Variants in WEE2 observed in about 807,000 individuals in gnomAD.
The protein encoded by WEE2 is wee1-like protein kinase 2.
Under a neutral mutation model 60.1 loss-of-function variants are expected in WEE2, and 50 were observed. The observed-to-expected ratio is 0.83, with a 90% CI of 0.66 to 1.05. The LOEUF is 1.05. WEE2 is among the 50% of genes least tolerant of loss of function. WEE2 has a pLI of 0.00. For missense variants in WEE2, 631 were observed against 684.3 expected, an observed-to-expected ratio of 0.92 and a Z score of 0.87; for synonymous variants, 240 against 241.0, an observed-to-expected ratio of 1.00 and a Z score of 0.04.
chr7:141,729,754 C>T, intron 11 of WEE2, 81 bp downstream of exon 11: 13 of 1,482,346 alleles, frequency 8.8e-6, no homozygotes, highest in Non-Finnish European at 1.2e-5. Context: ...TTTGGGAGGC[C>T]AAGGCAGGTG....
Position 141,714,197 on chromosome 7 carries a change from ATCC to A in WEE2, c.343-9_343-7del, listed in dbSNP as rs1353360577. On this transcript the variant is annotated splice_polypyrimidine_tract_variant and intron_variant, in intron 1 of 11. Coordinates refer to ENST00000397541, the MANE Select transcript of WEE2 (RefSeq NM_001105558.1). ...ATGCTATTATGACTTGCCTTTTGTCATCCTCATTCAGACCATGCTGAGCCGGTT... is the reference window on the plus strand; with the variant it reads ...ATGCTATTATGACTTGCCTTTTGTCATCATTCAGACCATGCTGAGCCGGTT... 3.8e-6 allele frequency: 6 copies of A among 1,589,364 alleles called. No individual in the cohort carries two copies. The highest frequency in any genetic ancestry group is 5.1e-6 in the Non-Finnish European group (6 of 1,172,226).
Position 141,711,013 on chromosome 7 carries a change from CA to C in WEE2, c.342+1914del, listed in dbSNP as rs1798701946. ...GAACAAAGAAGAGCCTGGACTAGGA[CA>C]GTGAAAAATTCAGAGATGACTTGAT... On this transcript the variant is annotated intron_variant, in intron 1 of 11. Coordinates refer to ENST00000397541, the MANE Select transcript of WEE2 (RefSeq NM_001105558.1). The surrounding 1 kb of genome is among the most constrained non-coding windows in gnomAD (Gnocchi z 4.2). Among the ~76,000 whole-genome samples, 1 of 152,072 alleles carries C rather than the reference CA, an allele frequency of 6.6e-6. No homozygotes were observed. The highest frequency in any genetic ancestry group is 1.5e-5 in the Non-Finnish European group (1 of 68,016).
At chr7:141,726,105 G>C (rs144132841) in intron 9 of WEE2, among the ~76,000 whole-genome samples, 62 of 152,176 alleles carry the variant, frequency 4.1e-4, no homozygotes, top group African/African-American at 1.4e-3. Context: ...ACAAGAAAAG[G>C]AAGATACTAT....
Position 141,719,371 on chromosome 7 carries a change from A to G in WEE2, c.758+127A>G. The G allele has an allele frequency of 2.1e-5, 18 of 872,182 alleles. 1 individual carries two copies. In the South Asian group the frequency reaches 2.6e-4, roughly 13 times the overall value. The allele number at this position is 872,182 out of a possible 1,614,324, so 54.0% of individuals were successfully genotyped here. A position where few individuals can be genotyped will look rare whatever the true frequency, so the allele number is the denominator to read the frequency against. ...TTGTGTTTTAAAATCACCCCACATT[A>G]TATGTTATCTCATATTCATAACCTT... is the stretch of plus-strand genomic sequence containing the variant. On this transcript the variant is annotated intron_variant, in intron 4 of 11. Transcript: ENST00000397541.
At chr7:141,727,685 G>C in intron 10 of WEE2, 1 of 482,862 alleles carries the variant, frequency 2.1e-6, no homozygotes, top group Non-Finnish European at 3.6e-6. Flanking sequence ...AAGGAAGCAA[G>C]AGTGAGGAAT....
intron 4 of WEE2, among the ~76,000 whole-genome samples, chr7:141,719,525 A>AG (rs1244818028): frequency 6.6e-6 from 1 of 152,152 alleles, no homozygotes; most frequent in Non-Finnish European, 1.5e-5. Flanking sequence ...ATCTTGGCTC[A>AG]CTGCAATCTC....
chr7:141,718,963 A>C, intron 3 of WEE2, 109 bp from the exon 4 acceptor site: 1 of 1,044,158 alleles, frequency 9.6e-7, no homozygotes, highest in Non-Finnish European at 1.4e-6. Flanking sequence ...CAGTCACCTC[A>C]AAAGTCTTTT....
At chr7:141,713,851 G>A (rs1798747764) in intron 1 of WEE2, among the ~76,000 whole-genome samples, 1 of 152,186 alleles carries the variant, frequency 6.6e-6, no homozygotes, top group South Asian at 2.1e-4. Context: ...CATAAGCTCT[G>A]AGAATATAGT....
At chr7:141,725,516 T>C (rs1162786577) in intron 9 of WEE2, among the ~76,000 whole-genome samples, 1 of 151,686 alleles carries the variant, frequency 6.6e-6, no homozygotes, top group Non-Finnish European at 1.5e-5. Context: ...TCCCAGCTAC[T>C]TGGGTGGCTG....
intron 6 of WEE2, among the ~76,000 whole-genome samples, chr7:141,723,689 A>G (rs995380120): frequency 3.3e-5 from 5 of 152,108 alleles, no homozygotes; most frequent in African/African-American, 1.2e-4. Context: ...TATTTTGGGG[A>G]CAATAGTACT....
chr7:141,714,777 C>T (rs538583654), intron 2 of WEE2, among the ~76,000 whole-genome samples: 49 of 152,240 alleles, frequency 3.2e-4, no homozygotes, highest in Middle Eastern at 3.4e-3. Flanking sequence ...TACGTTGCTG[C>T]TTTGAGTCTT....
chr7:141,723,423 A>G (rs1202136172), intron 6 of WEE2, 143 bp downstream of exon 6: 2 of 941,158 alleles, frequency 2.1e-6, no homozygotes, highest in Non-Finnish European at 3.1e-6. Flanking sequence ...TCCTTAAAAA[A>G]AATCAGTTAA....
At position 141,727,286 on chromosome 7, in the gene WEE2, T is replaced by G; in HGVS notation, c.1393-18T>G. 2 of 1,600,000 alleles carry G rather than the reference T, an allele frequency of 1.3e-6. No homozygotes were observed. Among genetic ancestry groups the G allele is most frequent in the Non-Finnish European group, 1.7e-6 (2 of 1,175,164 alleles). On this transcript the variant is annotated intron_variant, in intron 9 of 11. Transcript: ENST00000397541. Reference sequence around the variant, plus strand: ...TAGTGAAGCTTCTGTTTCTTTCCTCTTGGTCCTATATCATCAGAACATGAT... The same window carrying G: ...TAGTGAAGCTTCTGTTTCTTTCCTCGTGGTCCTATATCATCAGAACATGAT...
At chr7:141,727,145 C>A in intron 9 of WEE2, 159 bp from the exon 10 acceptor site, 1 of 697,232 alleles carries the variant, frequency 1.4e-6, no homozygotes, top group Non-Finnish European at 2.4e-6. Context: ...ATCCTCCTGC[C>A]CCAGGTGGAG....
rs1421288407 is a variant in WEE2, at chr7:141,714,236, C to A, written c.370C>A (p.Pro124Thr). 1 of 1,612,356 alleles carries A rather than the reference C, an allele frequency of 6.2e-7. No individual in the cohort carries two copies. The highest frequency in any genetic ancestry group is 2.2e-5 in the East Asian group (1 of 44,882). Reference protein sequence around the residue: ...KTMLSRLVISPTGKLPSRGPK... With the variant: ...KTMLSRLVISTTGKLPSRGPK... ...CATGCTGAGCCGGTTGGTGATTTCT[C>A]CAACAGGGAAGCTTCCTTCCAGAGG... Residue 124 changes from proline to threonine, a missense_variant, in exon 2 of 12, where the codon CCA (proline) becomes ACA (threonine). Pro to Thr is a conservative substitution (Grantham distance 38). Transcript: ENST00000397541.
At chr7:141,722,234 G>A (rs1168288144) in intron 5 of WEE2, among the ~76,000 whole-genome samples, 3 of 152,022 alleles carry the variant, frequency 2.0e-5, no homozygotes, top group African/African-American at 7.2e-5. Flanking sequence ...GTGAAACCCC[G>A]TCTCTTCTAA....
chr7:141,726,061 T>C (rs1399347205), intron 9 of WEE2, among the ~76,000 whole-genome samples: 1 of 152,246 alleles, frequency 6.6e-6, no homozygotes, highest in African/African-American at 2.4e-5. Context: ...ATCTATGTTT[T>C]ACTTGTTCTT....
rs558774035 is a variant in WEE2, at chr7:141,709,661, T to TGG, written c.342+561_342+562insGG. Among the ~76,000 whole-genome samples, 18 of 152,288 alleles carry TGG rather than the reference T, an allele frequency of 1.2e-4. No individual in the cohort carries two copies. The East Asian group carries it at 3.1e-3, about 26-fold the overall frequency. Reference sequence around the variant, plus strand: ...TGCTGCTCCTCCCAGAAACAACTCCTCTCCCCTCCTTGGTCTAATAGAAGA... The same window carrying TGG: ...TGCTGCTCCTCCCAGAAACAACTCCTGGCTCCCCTCCTTGGTCTAATAGAAGA... On this transcript the variant is annotated intron_variant, in intron 1 of 11. Transcript: ENST00000397541.
Position 141,730,298 on chromosome 7 carries a change from G to C in WEE2, c.1682G>C (p.Gly561Ala). Residue 561 changes from glycine to alanine, a missense_variant, in exon 12 of 12, where the codon GGA (glycine) becomes GCA (alanine). Gly to Ala is a moderately conservative substitution (Grantham distance 60, BLOSUM62 0). Transcript: ENST00000397541. The part of the protein sequence containing the change: ...KSARSSSFTS[G>A]EREPLH ...TTCTCACACTTTTGATGAACAGCAG[G>C]AGAGCGTGAGCCTCTGCATTAAAGG... 6.2e-7 allele frequency: 1 copy of C among 1,613,412 alleles called. No individual in the cohort carries two copies. The highest frequency in any genetic ancestry group is 8.5e-7 in the Non-Finnish European group (1 of 1,179,684).
Sources: allele counts gnomAD v4.1 joint callset (sites outside exome capture counted in the v4.1 genomes callset), GRCh38; gene constraint gnomAD v4.1.1; non-coding constraint Gnocchi (gnomAD v3.1); transcripts MANE v1.5; gene names NCBI Gene and HGNC (gene_info 2026-07-23, HGNC 2026-07-21).